The following PPP1R9A variants were observed in gnomAD, a reference collection of about 807,000 sequenced individuals.
PPP1R9A encodes neurabin-1.
Under a neutral mutation model 141.9 loss-of-function variants are expected in PPP1R9A, and 59 were observed. The observed-to-expected ratio is 0.42, with a 90% CI of 0.34 to 0.52. The LOEUF (loss-of-function observed/expected upper bound fraction) is 0.52. Ranked by LOEUF, PPP1R9A falls within the 20% of genes least tolerant of loss-of-function variation. The pLI, the probability that PPP1R9A is intolerant of heterozygous loss-of-function variation, is 0.10. For missense variants in PPP1R9A, 1,444 were observed against 1,611.9 expected (o/e 0.90, Z 1.78); for synonymous variants, 500 against 569.7 (o/e 0.88, Z 1.74).
intron 2 of PPP1R9A, among the ~76,000 whole-genome samples, chr7:95,092,870 G>C (rs916823959): frequency 2.6e-5 from 4 of 152,144 alleles, no homozygotes; most frequent in Admixed American, 2.0e-4. Flanking sequence ...AGAGGTTTTG[G>C]TTTCTTCCAA....
intron 16 of PPP1R9A, among the ~76,000 whole-genome samples, chr7:95,281,913 G>A (rs1337773761): frequency 6.6e-6 from 1 of 152,120 alleles, no homozygotes; most frequent in Non-Finnish European, 1.5e-5. Context: ...ATAACCAGAG[G>A]AGATAATGAT....
chr7:95,209,719 A>G (rs73221978), intron 7 of PPP1R9A, among the ~76,000 whole-genome samples: 18,317 of 152,098 alleles, frequency 0.12, 1,219 homozygotes, highest in East Asian at 0.17. Flanking sequence ...CTGTAACTGT[A>G]ATTTCTGGTT....
At chr7:95,193,628 G>A (rs1236942224) in intron 5 of PPP1R9A, among the ~76,000 whole-genome samples, 1 of 151,880 alleles carries the variant, frequency 6.6e-6, no homozygotes, top group African/African-American at 2.4e-5. Flanking sequence ...AGGATAGGAA[G>A]AAATTTGCAA....
chr7:95,191,410 A>T (rs1477319279), intron 5 of PPP1R9A, among the ~76,000 whole-genome samples: 1 of 152,204 alleles, frequency 6.6e-6, no homozygotes, highest in Non-Finnish European at 1.5e-5. Flanking sequence ...ATGTATAGTG[A>T]TCATATCATG....
chr7:95,140,297 A>G (rs1031075108), intron 4 of PPP1R9A, among the ~76,000 whole-genome samples: 1 of 152,228 alleles, frequency 6.6e-6, no homozygotes, highest in Non-Finnish European at 1.5e-5. Context: ...AACCACATGG[A>G]TCAAGTGGGA....
chr7:94,969,597 T>C (rs1031540143), intron 2 of PPP1R9A, among the ~76,000 whole-genome samples: 1 of 151,954 alleles, frequency 6.6e-6, no homozygotes, highest in Admixed American at 6.6e-5. Context: ...TGCTGGGAGG[T>C]GTCTCCCAAT....
chr7:95,008,607 C>T (rs1803958457), intron 2 of PPP1R9A, among the ~76,000 whole-genome samples: 1 of 152,112 alleles, frequency 6.6e-6, no homozygotes, highest in Non-Finnish European at 1.5e-5. Flanking sequence ...TCACCATGTA[C>T]GTTGTAAGCT....
chr7:95,124,814 GT>G (rs1184727542), intron 4 of PPP1R9A, among the ~76,000 whole-genome samples: 1 of 151,988 alleles, frequency 6.6e-6, no homozygotes, highest in East Asian at 1.9e-4. Flanking sequence ...TACATAGAAA[GT>G]TTTTTTTCTC....
chr7:95,121,313 C>T (rs1169193882), intron 4 of PPP1R9A, among the ~76,000 whole-genome samples: 1 of 152,122 alleles, frequency 6.6e-6, no homozygotes, highest in East Asian at 1.9e-4. Flanking sequence ...TTCTTGGGTG[C>T]ACCTAAACCT....
At chr7:95,019,272 G>A (rs978317932) in intron 2 of PPP1R9A, among the ~76,000 whole-genome samples, 3 of 152,132 alleles carry the variant, frequency 2.0e-5, no homozygotes, top group African/African-American at 4.8e-5. Context: ...GCAGGCGCCT[G>A]TAATCCCAGC....
At chr7:94,944,324 C>T (rs777824172) in intron 2 of PPP1R9A, among the ~76,000 whole-genome samples, 24 of 152,174 alleles carry the variant, frequency 1.6e-4, no homozygotes, top group East Asian at 3.9e-4. Flanking sequence ...CTTTCAGACA[C>T]CTCCTATGAT....
chr7:95,036,336 C>T (rs1808421530), intron 2 of PPP1R9A: 1 of 152,150 alleles, frequency 6.6e-6, no homozygotes, highest in Non-Finnish European at 1.5e-5. Flanking sequence ...GTCCAGGAAA[C>T]AAAAATTACA....
At chr7:95,269,567 C>T in intron 14 of PPP1R9A, 60 bp downstream of exon 14, 2 of 1,339,248 alleles carry the variant, frequency 1.5e-6, no homozygotes, top group Non-Finnish European at 2.0e-6. Context: ...ATAAAAATGA[C>T]TTTTTCTCAT....
chr7:95,082,766 CTT>C (rs1159814204), intron 2 of PPP1R9A, among the ~76,000 whole-genome samples: 2,327 of 109,354 alleles, frequency 0.021, 52 homozygotes, highest in East Asian at 0.07. Context: ...GAAGGGATTT[CTT>C]TTTTTTTTTT....
chr7:95,148,939 C>T (rs1828145677), intron 4 of PPP1R9A, among the ~76,000 whole-genome samples: 1 of 150,146 alleles, frequency 6.7e-6, no homozygotes, highest in African/African-American at 2.4e-5. Flanking sequence ...CTCTCATGAA[C>T]ATAAATGCAA....
chr7:94,907,407 G>T (rs1044156502), upstream of PPP1R9A: 5 of 152,490 alleles, frequency 3.3e-5, no homozygotes, highest in African/African-American at 1.2e-4. Flanking sequence ...CAGCAGAGTG[G>T]CCTGGGACTT....
chr7:95,030,191 T>A (rs1456153702), intron 2 of PPP1R9A, among the ~76,000 whole-genome samples: 1 of 152,206 alleles, frequency 6.6e-6, no homozygotes, highest in Non-Finnish European at 1.5e-5. Context: ...AGCATCAATA[T>A]CCTCATCTGT....
At chr7:95,158,785 A>G (rs1186607649) in intron 4 of PPP1R9A, among the ~76,000 whole-genome samples, 1 of 152,232 alleles carries the variant, frequency 6.6e-6, no homozygotes, top group Non-Finnish European at 1.5e-5. Context: ...CAAATGGGTA[A>G]AAGAAATGAT....
chr7:95,216,088 G>C (rs1020241841), intron 7 of PPP1R9A, among the ~76,000 whole-genome samples: 2 of 152,128 alleles, frequency 1.3e-5, no homozygotes, highest in African/African-American at 4.8e-5. Flanking sequence ...TTTTCCTCTA[G>C]GGTTTTTATG....
Sources: gnomAD v4.1 joint callset for allele counts (sites outside exome capture counted in the v4.1 genomes callset) on GRCh38, gnomAD v4.1.1 for gene constraint, MANE v1.5 for transcripts, NCBI Gene and HGNC (gene_info 2026-07-23, HGNC 2026-07-21) for gene names.